RBFOX1: variants seen among roughly 807,000 people sequenced by gnomAD.
RBFOX1 encodes RNA binding protein fox-1 homolog 1.
Under a neutral mutation model 57.7 loss-of-function variants are expected in RBFOX1, and 8 were observed. That is an observed-to-expected ratio of 0.14 (90% CI 0.08 to 0.25). The LOEUF (loss-of-function observed/expected upper bound fraction) is 0.25, where lower values mean the gene tolerates loss of function less well. Among genes scored for constraint, RBFOX1 ranks in the 10% least tolerant of loss-of-function variants. The pLI is 1.00. For missense variants in RBFOX1, 611 were observed against 548.5 expected (o/e 1.11, Z -1.14); for synonymous variants, 326 against 222.4 (o/e 1.47, Z -4.15).
At chr16:7,044,175 G>A (rs558030273) in intron 3 of RBFOX1, among the ~76,000 whole-genome samples, 17 of 152,234 alleles carry the variant, frequency 1.1e-4, no homozygotes, top group African/African-American at 3.9e-4. Flanking sequence ...ATGTATATGT[G>A]CATGTGTGGG....
At chr16:7,610,118 C>CCTTTTTTTTTTTTTT (rs71394327) in intron 10 of RBFOX1, among the ~76,000 whole-genome samples, 4 of 65,614 alleles carry the variant, frequency 6.1e-5, no homozygotes, top group Admixed American at 2.4e-4. Flanking sequence ...GCCCGGCCCC[C>CCTTTTTTTTTTTTTT]TTTTTTTTTT....
At chr16:7,382,437 A>C (rs1417483009) in intron 4 of RBFOX1, among the ~76,000 whole-genome samples, 1 of 152,214 alleles carries the variant, frequency 6.6e-6, no homozygotes, top group East Asian at 1.9e-4. Flanking sequence ...TAATTATTAA[A>C]CATGATATAT....
At chr16:7,307,349 T>G (rs1000070748) in intron 4 of RBFOX1, among the ~76,000 whole-genome samples, 1 of 152,212 alleles carries the variant, frequency 6.6e-6, no homozygotes, top group Non-Finnish European at 1.5e-5. Flanking sequence ...TCTCACAGAT[T>G]TATCCATAAG....
chr16:6,688,113 G>A (rs903005399), intron 3 of RBFOX1, among the ~76,000 whole-genome samples: 4 of 152,014 alleles, frequency 2.6e-5, no homozygotes, highest in African/African-American at 4.8e-5. Flanking sequence ...CATTGGCTCC[G>A]GGTTCAGCAG....
chr16:6,915,545 C>T (rs927841218), intron 3 of RBFOX1, among the ~76,000 whole-genome samples: 2 of 120,086 alleles, frequency 1.7e-5, no homozygotes, highest in African/African-American at 3.2e-5. Context: ...CACCCCCACA[C>T]CCCCCTTTTT....
intron 4 of RBFOX1, among the ~76,000 whole-genome samples, chr16:7,124,513 TCC>T (rs1567351166): frequency 8.5e-5 from 2 of 23,568 alleles, no homozygotes; most frequent in African/African-American, 2.9e-4. Flanking sequence ...CCCCCTCCCC[TCC>T]CCTCCCCTCC....
rs770021825 is a variant in RBFOX1 at position 7,710,768 on chromosome 16, C to A, written c.*23C>A. ...TAAATGACAAAACCATAAAAACCTTCCAATGTGGGGAGAAAGGAAGCTTTC... is the reference window on the plus strand; with the variant it reads ...TAAATGACAAAACCATAAAAACCTTACAATGTGGGGAGAAAGGAAGCTTTC... On this transcript the variant is annotated 3_prime_UTR_variant, in exon 16 of 16. Transcript: ENST00000550418. 1.3e-6 allele frequency: 2 copies of A among 1,529,136 alleles called. No homozygotes were observed. Among genetic ancestry groups the A allele is most frequent in the South Asian group, 2.6e-5 (2 of 76,628 alleles). 94.7% of individuals were successfully genotyped at this position (1,529,136 alleles called of 1,614,324 possible). A position where few individuals can be genotyped will look rare whatever the true frequency, so the allele number is the denominator to read the frequency against.
chr16:7,198,916 C>T (rs1181479508), intron 4 of RBFOX1, among the ~76,000 whole-genome samples: 1 of 152,134 alleles, frequency 6.6e-6, no homozygotes, highest in Non-Finnish European at 1.5e-5. Context: ...GCCTTGTTCA[C>T]AGTTTGCTCA....
intron 3 of RBFOX1, among the ~76,000 whole-genome samples, chr16:5,764,181 A>G (rs1000545483): frequency 6.6e-5 from 10 of 152,216 alleles, no homozygotes; most frequent in Non-Finnish European, 8.8e-5. Context: ...TTGGGCTACT[A>G]CAACTCTCCA....
chr16:7,297,177 G>C (rs2095912029), intron 4 of RBFOX1, among the ~76,000 whole-genome samples: 1 of 152,104 alleles, frequency 6.6e-6, no homozygotes, highest in Admixed American at 6.5e-5. Context: ...AGGCAGTTTG[G>C]GCCATGGCTT....
chr16:6,639,776 G>A (rs1308584620), intron 2 of RBFOX1, among the ~76,000 whole-genome samples: 1 of 152,140 alleles, frequency 6.6e-6, no homozygotes, highest in Non-Finnish European at 1.5e-5. Flanking sequence ...CTACTCGGGA[G>A]GCTGAGGCAG....
intron 4 of RBFOX1, among the ~76,000 whole-genome samples, chr16:7,408,663 A>G (rs1335241882): frequency 2.0e-5 from 3 of 152,206 alleles, no homozygotes; most frequent in African/African-American, 4.8e-5. Flanking sequence ...ACGTTTCTCC[A>G]CCATTGACAT....
At chr16:6,144,134 C>A (rs575330963) in intron 1 of RBFOX1, among the ~76,000 whole-genome samples, 21 of 152,188 alleles carry the variant, frequency 1.4e-4, no homozygotes, top group African/African-American at 3.1e-4. Flanking sequence ...AGTTCTGAAG[C>A]ATGTATTCCT....
At chr16:6,798,503 G>A (rs2084615431) in intron 3 of RBFOX1, among the ~76,000 whole-genome samples, 1 of 152,092 alleles carries the variant, frequency 6.6e-6, no homozygotes, top group Non-Finnish European at 1.5e-5. Context: ...TTCTGAACCA[G>A]ACCCCTGATG....
At position 7,195,055 on chromosome 16, in the gene RBFOX1, AC is replaced by A. The variant is rs1397756592; in HGVS notation, c.27+142958del. Reference sequence around the variant, plus strand: ...TTGTTCTTCTAATTCTAGCAACAAAACTTTAAAAAATTATACTCTCTGAATT... The same window carrying A: ...TTGTTCTTCTAATTCTAGCAACAAAATTTAAAAAATTATACTCTCTGAATT... On this transcript the variant is annotated intron_variant, in intron 4 of 15. Transcript: ENST00000550418. 2.0e-5 allele frequency among the ~76,000 whole-genome samples: 3 copies of A among 151,872 alleles called. No individual in the cohort carries two copies. The East Asian group carries it at 5.8e-4, about 29-fold the overall frequency.
intron 1 of RBFOX1, among the ~76,000 whole-genome samples, chr16:6,306,692 T>C (rs1388314493): frequency 6.6e-6 from 1 of 152,332 alleles, no homozygotes; most frequent in African/African-American, 2.4e-5. Context: ...CCAAACAATT[T>C]TGTGCAATGC....
At chr16:6,260,833 A>T (rs905742700) in intron 1 of RBFOX1, among the ~76,000 whole-genome samples, 5 of 152,096 alleles carry the variant, frequency 3.3e-5, no homozygotes, top group African/African-American at 1.2e-4. Context: ...GTTAGGTGAG[A>T]TTGTATGACT....
chr16:7,499,949 A>T (rs1338927393), intron 4 of RBFOX1, among the ~76,000 whole-genome samples: 1 of 152,028 alleles, frequency 6.6e-6, no homozygotes, highest in African/African-American at 2.4e-5. Flanking sequence ...TTTACCAATA[A>T]GGGAAACATC....
intron 4 of RBFOX1, among the ~76,000 whole-genome samples, chr16:7,425,695 C>T (rs563865414): frequency 6.6e-6 from 1 of 152,122 alleles, no homozygotes; most frequent in Non-Finnish European, 1.5e-5. Flanking sequence ...GTTATCCTAC[C>T]TGGGCAAAAG....
Sources: allele counts gnomAD v4.1 joint callset (sites outside exome capture counted in the v4.1 genomes callset), GRCh38; gene constraint gnomAD v4.1.1; transcripts MANE v1.5; gene names NCBI Gene and HGNC (gene_info 2026-07-23, HGNC 2026-07-21).